FGGY: variants seen among roughly 807,000 people sequenced by gnomAD.
FGGY encodes FGGY carbohydrate kinase domain-containing protein.
Under a neutral mutation model 71.3 loss-of-function variants are expected in FGGY, and 72 were observed. The ratio of observed to expected loss-of-function variants is 1.01; its 90% CI spans 0.84 to 1.23. The LOEUF (loss-of-function observed/expected upper bound fraction) is 1.23. Among genes scored for constraint, FGGY ranks in the 50% most tolerant of loss-of-function variants. The pLI, the probability that FGGY is intolerant of heterozygous loss-of-function variation, is 0.00. For missense variants in FGGY, 668 were observed against 682.3 expected (o/e 0.98, Z 0.23); for synonymous variants, 251 against 250.3 (o/e 1.00, Z -0.02).
At chr1:59,726,002 G>T (rs961174609) in intron 14 of FGGY, among the ~76,000 whole-genome samples, 3 of 152,068 alleles carry the variant, frequency 2.0e-5, no homozygotes, top group Non-Finnish European at 4.4e-5. Context: ...TGATCTTAGT[G>T]GGAAAGCATC....
intron 5 of FGGY, among the ~76,000 whole-genome samples, chr1:59,388,530 A>G (rs968395866): frequency 6.6e-6 from 1 of 152,036 alleles, no homozygotes; most frequent in Non-Finnish European, 1.5e-5. Flanking sequence ...GAAGGGAGAA[A>G]CTTGCACCTT....
chr1:59,590,466 C>A (rs931368397), intron 8 of FGGY, among the ~76,000 whole-genome samples: 1 of 152,124 alleles, frequency 6.6e-6, no homozygotes, highest in East Asian at 1.9e-4. Context: ...GATACCAAAG[C>A]CTGGCAGAGA....
intron 14 of FGGY, among the ~76,000 whole-genome samples, chr1:59,720,281 C>T (rs183305751): frequency 2.6e-5 from 4 of 152,274 alleles, no homozygotes; most frequent in East Asian, 1.9e-4. Flanking sequence ...ATCTTGCTTT[C>T]GGATTCATGC....
At chr1:59,746,969 C>T (rs915288252) in intron 14 of FGGY, among the ~76,000 whole-genome samples, 3 of 152,128 alleles carry the variant, frequency 2.0e-5, no homozygotes, top group East Asian at 1.9e-4. Context: ...AACTAGGTAA[C>T]GTATTTAATA....
intron 9 of FGGY, among the ~76,000 whole-genome samples, chr1:59,611,795 A>G (rs567889509): frequency 3.9e-5 from 6 of 152,360 alleles, no homozygotes; most frequent in African/African-American, 1.4e-4. Context: ...ACTGCAGATA[A>G]GTCCTTAAAG....
At position 59,398,528 on chromosome 1, in the gene FGGY, C is replaced by A. The variant is rs116877336; in HGVS notation, c.554+19691C>A. Among the ~76,000 whole-genome samples, 46 of 152,288 alleles carry A rather than the reference C, an allele frequency of 3.0e-4. 2 individuals carry two copies. The East Asian group carries it at 7.1e-3, about 24-fold the overall frequency. ...TTCTGGTATTACAGGCATGAGCCAC[C>A]ATGCCCAGGTTGTAAAAGTATTTTT... On this transcript the variant is annotated intron_variant, in intron 5 of 15. Coordinates refer to ENST00000303721, the MANE Select transcript of FGGY (RefSeq NM_018291.5).
intron 4 of FGGY, among the ~76,000 whole-genome samples, chr1:59,351,146 C>G (rs2153224157): frequency 6.6e-6 from 1 of 152,320 alleles, no homozygotes; most frequent in Non-Finnish European, 1.5e-5. Flanking sequence ...CACAGCCACA[C>G]TCATCCATTT....
At chr1:59,671,659 T>C (rs1039222767) in intron 13 of FGGY, among the ~76,000 whole-genome samples, 4 of 152,238 alleles carry the variant, frequency 2.6e-5, no homozygotes, top group Non-Finnish European at 2.9e-5. Context: ...TAACAACTAA[T>C]GCTAATTTAG....
intron 6 of FGGY, among the ~76,000 whole-genome samples, chr1:59,467,472 A>G (rs920621968): frequency 2.0e-5 from 3 of 152,028 alleles, no homozygotes; most frequent in Non-Finnish European, 4.4e-5. Flanking sequence ...TGTTGTGCAC[A>G]TGTACCTTAG....
At chr1:59,688,365 T>G (rs2097562025) in intron 14 of FGGY, among the ~76,000 whole-genome samples, 1 of 152,252 alleles carries the variant, frequency 6.6e-6, no homozygotes, top group South Asian at 2.1e-4. Context: ...AGCTTAAGTC[T>G]GTATGTCCTA....
At chr1:59,501,456 T>A (rs2153608977) in intron 6 of FGGY, among the ~76,000 whole-genome samples, 1 of 152,272 alleles carries the variant, frequency 6.6e-6, no homozygotes, top group African/African-American at 2.4e-5. Flanking sequence ...AAACCACTGC[T>A]TTAAACCTTG....
intron 6 of FGGY, among the ~76,000 whole-genome samples, chr1:59,458,082 G>A (rs1425355659): frequency 1.3e-5 from 2 of 152,180 alleles, no homozygotes; most frequent in African/African-American, 4.8e-5. Context: ...TCTCCCAATG[G>A]GAGGACCTAG....
chr1:59,600,087 C>G (rs950197156), intron 8 of FGGY, among the ~76,000 whole-genome samples: 12 of 152,134 alleles, frequency 7.9e-5, no homozygotes, highest in Non-Finnish European at 1.2e-4. Context: ...ATGGAGGACA[C>G]TATTTGGGTC....
chr1:59,372,984 A>C lies in FGGY; in HGVS notation c.466-5765A>C, dbSNP rs202166985. 8.8e-3 allele frequency among the ~76,000 whole-genome samples: 1,341 copies of C among 152,010 alleles called. 27 individuals carry two copies. Among genetic ancestry groups the C allele is most frequent in the African/African-American group, 0.031 (1,278 of 41,282 alleles). ...AATGGGCAAAAACTGGAAGCATTCCATTTGAAAACTGGCACAAGACAGGGA... is the reference window on the plus strand; with the variant it reads ...AATGGGCAAAAACTGGAAGCATTCCCTTTGAAAACTGGCACAAGACAGGGA... On this transcript the variant is annotated intron_variant, in intron 4 of 15. Transcript: ENST00000303721.
At chr1:59,723,554 G>GT (rs563147278) in intron 14 of FGGY, among the ~76,000 whole-genome samples, 8,543 of 81,700 alleles carry the variant, frequency 0.1, 319 homozygotes, top group Non-Finnish European at 0.14. Flanking sequence ...GCATTTTCTT[G>GT]TTTTTTTTTG....
At chr1:59,634,131 T>C (rs1229775142) in intron 10 of FGGY, among the ~76,000 whole-genome samples, 2 of 151,966 alleles carry the variant, frequency 1.3e-5, no homozygotes, top group Non-Finnish European at 2.9e-5. Context: ...ACTAGGCCGG[T>C]TGCAGTGGCT....
rs75009839 is a variant in FGGY, at chr1:59,708,383, T to G, written c.1512+34250T>G. ...ACCTATTTCAGAGCTTTTCCCTACTTCAACTGGGCTGCCTTTTGAACAATG... is the reference window on the plus strand; with the variant it reads ...ACCTATTTCAGAGCTTTTCCCTACTGCAACTGGGCTGCCTTTTGAACAATG... On this transcript the variant is annotated intron_variant, in intron 14 of 15. Coordinates refer to ENST00000303721, the MANE Select transcript of FGGY (RefSeq NM_018291.5). Among the ~76,000 whole-genome samples, 81 of 152,254 alleles carry G rather than the reference T, an allele frequency of 5.3e-4. No individual in the cohort carries two copies. The East Asian group carries it at 7.5e-3, about 14-fold the overall frequency.
chr1:59,388,038 A>G (rs2060275629), intron 5 of FGGY, among the ~76,000 whole-genome samples: 1 of 152,056 alleles, frequency 6.6e-6, no homozygotes, highest in Admixed American at 6.6e-5. Context: ...CTCAGAAAAT[A>G]CTCTTTAGCC....
At chr1:59,637,180 C>T (rs1429198938) in intron 10 of FGGY, among the ~76,000 whole-genome samples, 2 of 152,074 alleles carry the variant, frequency 1.3e-5, no homozygotes, top group African/African-American at 4.8e-5. Context: ...AAGTCACTGG[C>T]CCATTTTACC....
Sources: gnomAD v4.1 joint callset for allele counts (sites outside exome capture counted in the v4.1 genomes callset) on GRCh38, gnomAD v4.1.1 for gene constraint, MANE v1.5 for transcripts, NCBI Gene and HGNC (gene_info 2026-07-23, HGNC 2026-07-21) for gene names.